Variants in RNLS observed in about 807,000 individuals in gnomAD.
The protein encoded by RNLS is renalase, FAD dependent amine oxidase.
Under a neutral mutation model 39.8 loss-of-function variants are expected in RNLS, and 39 were observed. The observed-to-expected ratio is 0.98, with a 90% CI of 0.76 to 1.28. The LOEUF is 1.28. Among genes scored for constraint, RNLS ranks in the 50% most tolerant of loss-of-function variants. The pLI is 0.00. For missense variants in RNLS, 410 were observed against 413.3 expected (o/e 0.99, Z 0.07); for synonymous variants, 147 against 150.7 (o/e 0.98, Z 0.18).
the RNLS span, among the ~76,000 whole-genome samples, chr10:88,223,759 T>C: frequency 6.6e-6 from 1 of 152,194 alleles, no homozygotes; most frequent in African/African-American, 2.4e-5. Context: ...GGCCCATTTA[T>C]CACAGTTGCA....
At chr10:88,173,319 C>A in the RNLS span, among the ~76,000 whole-genome samples, 4 of 152,038 alleles carry the variant, frequency 2.6e-5, no homozygotes, top group Non-Finnish European at 5.9e-5. Flanking sequence ...TTTCTGGGTT[C>A]TCTAGTCTAT....
intron 6 of RNLS, chr10:88,309,540 A>T: frequency 9.6e-7 from 1 of 1,043,618 alleles, no homozygotes; most frequent in Non-Finnish European, 1.3e-6. Context: ...ACTCCTTTTA[A>T]CTCCTAGCAG....
chr10:88,256,978 G>A, the RNLS span, among the ~76,000 whole-genome samples: 1 of 151,856 alleles, frequency 6.6e-6, no homozygotes, highest in African/African-American at 2.4e-5. Context: ...GACTAAAATG[G>A]ATTTGTTTAA....
chr10:88,391,683 G>A (rs1347948286), intron 4 of RNLS, among the ~76,000 whole-genome samples: 1 of 152,112 alleles, frequency 6.6e-6, no homozygotes, highest in Admixed American at 6.6e-5. Context: ...GGCAAAATAA[G>A]GGACTCTGAA....
At chr10:88,564,155 ATCT>A (rs1471620560) in intron 4 of RNLS, among the ~76,000 whole-genome samples, 7 of 152,126 alleles carry the variant, frequency 4.6e-5, no homozygotes, top group Admixed American at 4.6e-4. Context: ...CCTTCTTGAG[ATCT>A]TCTCCGCTTT....
intron 3 of RNLS, among the ~76,000 whole-genome samples, chr10:88,577,560 GATAA>G (rs1281931660): frequency 6.6e-6 from 1 of 152,120 alleles, no homozygotes; most frequent in Non-Finnish European, 1.5e-5. Flanking sequence ...GGTAGTATTA[GATAA>G]ATAGTCAGCA....
intron 4 of RNLS, among the ~76,000 whole-genome samples, chr10:88,458,894 C>A (rs1471612198): frequency 6.6e-6 from 1 of 151,880 alleles, no homozygotes; most frequent in Non-Finnish European, 1.5e-5. Flanking sequence ...TAGAAAATGG[C>A]ATATAAAAAT....
At chr10:88,395,664 G>A (rs1036118202) in intron 4 of RNLS, among the ~76,000 whole-genome samples, 2 of 151,960 alleles carry the variant, frequency 1.3e-5, no homozygotes, top group Non-Finnish European at 2.9e-5. Flanking sequence ...AGAGAAAGGA[G>A]TGGAAAGAAT....
the RNLS span, among the ~76,000 whole-genome samples, chr10:88,220,359 G>A: frequency 6.6e-6 from 1 of 152,180 alleles, no homozygotes; most frequent in African/African-American, 2.4e-5. Flanking sequence ...TAAGCCAAGG[G>A]ACTGCTGGGG....
At chr10:88,398,405 T>C (rs1324004722) in intron 4 of RNLS, among the ~76,000 whole-genome samples, 1 of 151,958 alleles carries the variant, frequency 6.6e-6, no homozygotes, top group Non-Finnish European at 1.5e-5. Flanking sequence ...GCCCAGAGTG[T>C]GAGAGCTGGT....
chr10:88,188,035 A>T, the RNLS span, among the ~76,000 whole-genome samples: 1 of 152,110 alleles, frequency 6.6e-6, no homozygotes. Flanking sequence ...CATGTCCTTT[A>T]CTTGAAAATA....
the RNLS span, among the ~76,000 whole-genome samples, chr10:88,203,456 G>GTATGTGTATATA: frequency 8.3e-4 from 1 of 1,208 alleles, no homozygotes; most frequent in Non-Finnish European, 1.6e-3. Flanking sequence ...GTGTGTGTGT[G>GTATGTGTATATA]TATATATATA....
intron 4 of RNLS, among the ~76,000 whole-genome samples, chr10:88,440,357 A>T (rs1841643413): frequency 6.6e-6 from 1 of 152,230 alleles, no homozygotes; most frequent in South Asian, 2.1e-4. Context: ...GTAGTCACTG[A>T]CTTCAATTAC....
intron 4 of RNLS, among the ~76,000 whole-genome samples, chr10:88,402,550 G>A (rs1456008632): frequency 2.0e-5 from 3 of 151,736 alleles, no homozygotes; most frequent in African/African-American, 7.3e-5. Context: ...GGGTTTCCAG[G>A]CAAAAAGACC....
chr10:88,282,974 C>T (rs930761622), downstream of RNLS, among the ~76,000 whole-genome samples: 2 of 152,160 alleles, frequency 1.3e-5, no homozygotes, highest in Non-Finnish European at 2.9e-5. Context: ...CCTTGGCTGG[C>T]TTGATTAATA....
intron 4 of RNLS, among the ~76,000 whole-genome samples, chr10:88,465,735 CTTTA>C (rs1843165322): frequency 6.6e-6 from 1 of 151,966 alleles, no homozygotes; most frequent in African/African-American, 2.4e-5. Flanking sequence ...TAATGCCTGT[CTTTA>C]TTTATTTATT....
At chr10:88,373,076 C>T (rs1850692089) in intron 4 of RNLS, among the ~76,000 whole-genome samples, 1 of 152,086 alleles carries the variant, frequency 6.6e-6, no homozygotes, top group Non-Finnish European at 1.5e-5. Flanking sequence ...ACTTTATGGC[C>T]ATGCCATTCA....
intron 4 of RNLS, among the ~76,000 whole-genome samples, chr10:88,519,644 C>A (rs1846599959): frequency 6.7e-6 from 1 of 149,368 alleles, no homozygotes; most frequent in Non-Finnish European, 1.5e-5. Flanking sequence ...TTATGGATCC[C>A]CAAGGGTTAT....
At chr10:88,482,801 T>A (rs573694054) in intron 4 of RNLS, among the ~76,000 whole-genome samples, 1 of 152,062 alleles carries the variant, frequency 6.6e-6, no homozygotes, top group Non-Finnish European at 1.5e-5. Context: ...CTGAAAGTAG[T>A]TGTTGTTTTT....
Sources: gnomAD v4.1 joint callset for allele counts (sites outside exome capture counted in the v4.1 genomes callset) on GRCh38, gnomAD v4.1.1 for gene constraint, MANE v1.5 for transcripts, NCBI Gene and HGNC (gene_info 2026-07-23, HGNC 2026-07-21) for gene names.